RUBCNL: variants seen among roughly 807,000 people sequenced by gnomAD.
RUBCNL encodes rubicon like autophagy enhancer.
RUBCNL carries 62 observed loss-of-function variants against 69.5 expected under a neutral mutation model. The ratio of observed to expected loss-of-function variants is 0.89; its 90% CI spans 0.73 to 1.10. The LOEUF is 1.10. RUBCNL is among the 50% of genes least tolerant of loss of function. The pLI is 0.00. For missense variants in RUBCNL, 768 were observed against 798.1 expected, an observed-to-expected ratio of 0.96 and a Z score of 0.45; for synonymous variants, 291 against 303.6, an observed-to-expected ratio of 0.96 and a Z score of 0.43.
At chr13:46,346,430 G>A (rs1210898383) in intron 12 of RUBCNL, among the ~76,000 whole-genome samples, 1 of 152,102 alleles carries the variant, frequency 6.6e-6, no homozygotes, top group Non-Finnish European at 1.5e-5. Context: ...TGAGCTAAAT[G>A]CTGCCTCCGT....
intron 11 of RUBCNL, among the ~76,000 whole-genome samples, chr13:46,349,642 G>C (rs2048325861): frequency 1.3e-5 from 2 of 151,574 alleles, no homozygotes; most frequent in Admixed American, 6.6e-5. Context: ...GAAAGAGCCT[G>C]TGCAGGAGAG....
intron 10 of RUBCNL, 22 bp downstream of exon 10, chr13:46,356,410 G>T: frequency 6.2e-7 from 1 of 1,611,788 alleles, no homozygotes; most frequent in South Asian, 1.1e-5. Context: ...TCATAAGCAG[G>T]CGATCCATTA....
chr13:46,341,533 C>T lies in RUBCNL; in HGVS notation c.*1852G>A, dbSNP rs541913546. 6.6e-6 allele frequency among the ~76,000 whole-genome samples: 1 copy of T among 152,216 alleles called. No individual in the cohort carries two copies. The highest frequency in any genetic ancestry group is 6.5e-5 in the Admixed American group (1 of 15,278). ...AATCAAAAGCATCACTTCCTGGCAA[C>T]TGCTGTGCACTCTTCCTTAATATCA... On this transcript the variant is annotated 3_prime_UTR_variant, in exon 15 of 15. Transcript: ENST00000429979.
chr13:46,379,452 T>C (rs1454876011), intron 1 of RUBCNL, among the ~76,000 whole-genome samples: 1 of 152,234 alleles, frequency 6.6e-6, no homozygotes, highest in African/African-American at 2.4e-5. Context: ...TAATAGGTGT[T>C]CAATAAATAT....
chr13:46,368,160 GCTCT>G lies in RUBCNL; in HGVS notation c.704_707del (p.Glu235AlafsTer19), dbSNP rs750748238. ...GTAACCCACTGACTTCTTTACTCCA[GCTCT>G]CTGTCTGCTGTTGACTCAGAATGTT... is the stretch of plus-strand genomic sequence containing the variant. On this transcript the variant is annotated frameshift_variant, in exon 5 of 15. Transcript: ENST00000429979. LOFTEE classifies it high-confidence loss of function. 1.2e-6 allele frequency: 2 copies of G among 1,613,876 alleles called. No individual in the cohort carries two copies. The highest frequency in any genetic ancestry group is 1.7e-6 in the Non-Finnish European group (2 of 1,179,856).
chr13:46,349,835 CCTGA>C (rs1187081715), intron 11 of RUBCNL, among the ~76,000 whole-genome samples: 3 of 151,888 alleles, frequency 2.0e-5, no homozygotes, highest in African/African-American at 4.8e-5. Context: ...TGCTACTATA[CCTGA>C]CTAATTTTTT....
intron 10 of RUBCNL, among the ~76,000 whole-genome samples, chr13:46,352,794 G>A (rs749765602): frequency 6.6e-5 from 10 of 151,402 alleles, no homozygotes; most frequent in Non-Finnish European, 8.8e-5. Flanking sequence ...GGCAACAAGC[G>A]TGAAACTCCA....
chr13:46,348,605 G>A (rs914423874), intron 12 of RUBCNL, among the ~76,000 whole-genome samples: 6 of 114,988 alleles, frequency 5.2e-5, no homozygotes, highest in African/African-American at 1.5e-4. Flanking sequence ...CACGAGATTT[G>A]ATTTTTTTTT....
chr13:46,344,368 TCTACAACAG>T (rs1161198377), intron 14 of RUBCNL, among the ~76,000 whole-genome samples: 3 of 152,188 alleles, frequency 2.0e-5, no homozygotes, highest in African/African-American at 7.2e-5. Context: ...CCATGTGGTC[TCTACAACAG>T]CTACTCAACT....
At chr13:46,367,289 G>A (rs984254919) in intron 5 of RUBCNL, among the ~76,000 whole-genome samples, 3 of 152,146 alleles carry the variant, frequency 2.0e-5, no homozygotes, top group Non-Finnish European at 4.4e-5. Context: ...GAGGGAAGGA[G>A]CACACCCTGC....
intron 12 of RUBCNL, among the ~76,000 whole-genome samples, chr13:46,347,702 G>A (rs927733205): frequency 6.6e-6 from 1 of 151,974 alleles, no homozygotes; most frequent in African/African-American, 2.4e-5. Context: ...AAGAAGGAAG[G>A]AAATTCTGGC....
chr13:46,388,599 G>A (rs1054368728), upstream of RUBCNL, among the ~76,000 whole-genome samples: 1 of 152,184 alleles, frequency 6.6e-6, no homozygotes, highest in Non-Finnish European at 1.5e-5. Flanking sequence ...GCTCTCTCTC[G>A]CGGTGCCCTG....
At chr13:46,346,439 G>A (rs1284184704) in intron 12 of RUBCNL, among the ~76,000 whole-genome samples, 1 of 152,114 alleles carries the variant, frequency 6.6e-6, no homozygotes, top group Non-Finnish European at 1.5e-5. Flanking sequence ...TGCTGCCTCC[G>A]TTTGTATCCT....
chr13:46,388,424 T>G (rs551376585), upstream of RUBCNL, among the ~76,000 whole-genome samples: 3 of 127,968 alleles, frequency 2.3e-5, no homozygotes, highest in South Asian at 7.1e-4. Flanking sequence ...GGAAGGAACC[T>G]AAGCCCAGGA....
intron 8 of RUBCNL, 34 bp downstream of exon 8, chr13:46,361,407 T>C: frequency 6.2e-7 from 1 of 1,610,360 alleles, no homozygotes; most frequent in South Asian, 1.1e-5. Flanking sequence ...ATTTAGGAAC[T>C]TTCAATTCAA....
chr13:46,362,596 G>C lies in RUBCNL; in HGVS notation c.928C>G (p.Leu310Val), dbSNP rs200143692. 1.2e-6 allele frequency: 2 copies of C among 1,604,822 alleles called. No homozygotes were observed. Among genetic ancestry groups the C allele is most frequent in the Non-Finnish European group, 1.7e-6 (2 of 1,175,008 alleles). The change falls in exon 7 of 15, where the codon CTT (leucine) becomes GTT (valine). Residue 310 changes from leucine to valine, a missense_variant and splice_region_variant. Coordinates refer to ENST00000429979, the MANE Select transcript of RUBCNL (RefSeq NM_025113.5). ...TCTGTGATATCATTAAAATCTCCAA[G>C]CTCTGTGGGAAAATAAAAGAAAGAG... ...CDVDEFVILE[L>V]GDFNDITETC...
chr13:46,385,335 T>C (rs1594191309), intron 1 of RUBCNL: 5 of 863,502 alleles, frequency 5.8e-6, no homozygotes, highest in Non-Finnish European at 7.0e-6. Flanking sequence ...AGAGATCTAA[T>C]TGGGTATCAG....
intron 9 of RUBCNL, among the ~76,000 whole-genome samples, chr13:46,358,976 C>T (rs2048551127): frequency 6.6e-6 from 1 of 151,848 alleles, no homozygotes; most frequent in African/African-American, 2.4e-5. Flanking sequence ...TAAAGTGGTC[C>T]AGTCTTTTAA....
intron 5 of RUBCNL, among the ~76,000 whole-genome samples, chr13:46,364,485 C>T (rs1367508014): frequency 2.0e-5 from 3 of 152,122 alleles, no homozygotes. Context: ...GATGGACAAC[C>T]ACCACTTCCA....
Sources: gnomAD v4.1 joint callset for allele counts (sites outside exome capture counted in the v4.1 genomes callset) on GRCh38, gnomAD v4.1.1 for gene constraint, MANE v1.5 for transcripts, NCBI Gene and HGNC (gene_info 2026-07-23, HGNC 2026-07-21) for gene names.